DSE: variants seen among roughly 807,000 people sequenced by gnomAD.
DSE encodes dermatan sulfate epimerase, also known as dermatan-sulfate epimerase.
A neutral mutation model predicts 84.4 loss-of-function variants in DSE; 36 were observed. The observed-to-expected ratio is 0.43, with a 90% CI of 0.33 to 0.56. The LOEUF is 0.56. DSE is among the 20% of genes least tolerant of loss of function. DSE has a pLI of 0.06. For missense variants in DSE, 862 were observed against 1,169.6 expected, an observed-to-expected ratio of 0.74 and a Z score of 3.84; for synonymous variants, 410 against 430.1, an observed-to-expected ratio of 0.95 and a Z score of 0.58.
At chr6:116,428,711 A>T (rs1202396368) in intron 3 of DSE, among the ~76,000 whole-genome samples, 2 of 152,244 alleles carry the variant, frequency 1.3e-5, no homozygotes, top group African/African-American at 4.8e-5. Flanking sequence ...AACCCCAGAG[A>T]GTGAAATAAA....
intron 2 of DSE, among the ~76,000 whole-genome samples, chr6:116,292,637 G>C (rs1314295031): frequency 3.3e-5 from 5 of 151,972 alleles, no homozygotes; most frequent in Non-Finnish European, 7.4e-5. Context: ...GTAAGGATCT[G>C]ATTATTACAC....
intron 2 of DSE, among the ~76,000 whole-genome samples, chr6:116,330,459 T>C (rs1370738493): frequency 6.6e-6 from 1 of 152,198 alleles, no homozygotes; most frequent in East Asian, 1.9e-4. Context: ...TTGACAATTA[T>C]GCCAAAAAGC....
At chr6:116,328,592 T>TGCCA (rs1282800112) in intron 2 of DSE, among the ~76,000 whole-genome samples, 1 of 152,196 alleles carries the variant, frequency 6.6e-6, no homozygotes, top group Non-Finnish European at 1.5e-5. Flanking sequence ...AGTACTCCAC[T>TGCCA]GCCAGTATCA....
chr6:116,297,087 A>G (rs569700898), intron 2 of DSE, among the ~76,000 whole-genome samples: 12 of 152,258 alleles, frequency 7.9e-5, no homozygotes, highest in African/African-American at 2.9e-4. Flanking sequence ...TAGGCAAAGT[A>G]TAGTGGAGAT....
intron 2 of DSE, among the ~76,000 whole-genome samples, chr6:116,340,425 T>C (rs902361606): frequency 6.6e-6 from 1 of 152,160 alleles, no homozygotes; most frequent in Non-Finnish European, 1.5e-5. Flanking sequence ...GAATATGCAT[T>C]TGGTTCCTTT....
upstream of DSE, among the ~76,000 whole-genome samples, chr6:116,369,481 T>A (rs531252799): frequency 1.1e-4 from 16 of 152,346 alleles, no homozygotes; most frequent in African/African-American, 3.8e-4. Context: ...TTTTATTATA[T>A]CCTCTCCATA....
intron 1 of DSE, among the ~76,000 whole-genome samples, chr6:116,391,765 A>T (rs1477853287): frequency 4.3e-5 from 5 of 116,158 alleles, no homozygotes; most frequent in Admixed American, 2.5e-4. Flanking sequence ...ACTCCGTCTT[A>T]AAAAAAAAAA....
chr6:116,374,770 A>C (rs987378550), intron 1 of DSE, among the ~76,000 whole-genome samples: 1 of 152,092 alleles, frequency 6.6e-6, no homozygotes, highest in African/African-American at 2.4e-5. Context: ...TATCAGTCTC[A>C]TTCCCGTGAT....
At chr6:116,318,127 A>G (rs1260554728) in intron 2 of DSE, among the ~76,000 whole-genome samples, 1 of 152,242 alleles carries the variant, frequency 6.6e-6, no homozygotes, top group Non-Finnish European at 1.5e-5. Flanking sequence ...ATGCTGAGGC[A>G]TTCGACATTC....
chr6:116,421,463 A>ATATTTT (rs1357496121), intron 2 of DSE, among the ~76,000 whole-genome samples: 1 of 61,344 alleles, frequency 1.6e-5, no homozygotes, highest in Non-Finnish European at 2.7e-5. Flanking sequence ...ATATATATAT[A>ATATTTT]TTTTTTTTTT....
intron 2 of DSE, among the ~76,000 whole-genome samples, chr6:116,282,391 G>C (rs778325232): frequency 2.6e-5 from 4 of 151,930 alleles, no homozygotes; most frequent in African/African-American, 4.8e-5. Context: ...TGTCAGGCTT[G>C]GACCAATCTT....
chr6:116,410,623 A>G (rs868200983), intron 2 of DSE, among the ~76,000 whole-genome samples: 1 of 151,158 alleles, frequency 6.6e-6, no homozygotes, highest in South Asian at 2.1e-4. Context: ...AGTCCCAGCT[A>G]CTGGGGAGGC....
At chr6:116,422,937 G>C (rs2115054869) in intron 2 of DSE, among the ~76,000 whole-genome samples, 1 of 152,292 alleles carries the variant, frequency 6.6e-6, no homozygotes, top group East Asian at 1.9e-4. Context: ...GCTGCTCTAA[G>C]GGGTGAAACT....
intron 2 of DSE, among the ~76,000 whole-genome samples, chr6:116,415,632 A>T (rs1487473504): frequency 1.0e-4 from 4 of 38,758 alleles, no homozygotes; most frequent in Admixed American, 2.8e-4. Flanking sequence ...TTTCTATTTT[A>T]TTTTCTTACT....
intron 2 of DSE, among the ~76,000 whole-genome samples, chr6:116,414,463 AG>A (rs1250356618): frequency 5.3e-5 from 8 of 151,782 alleles, no homozygotes; most frequent in Admixed American, 4.6e-4. Flanking sequence ...CCCAGGATGG[AG>A]TGCAATGGCC....
intron 1 of DSE, among the ~76,000 whole-genome samples, chr6:116,391,828 G>A (rs913547649): frequency 2.6e-5 from 4 of 151,570 alleles, no homozygotes; most frequent in African/African-American, 9.7e-5. Flanking sequence ...TGAGTCCACG[G>A]GCTTTACACA....
intron 2 of DSE, among the ~76,000 whole-genome samples, chr6:116,281,856 C>T (rs938192380): frequency 1.2e-4 from 18 of 152,364 alleles, no homozygotes; most frequent in African/African-American, 4.3e-4. Context: ...TCCTATCTGC[C>T]ACTGGCAAAC....
intron 2 of DSE, among the ~76,000 whole-genome samples, chr6:116,409,996 G>A (rs1368186288): frequency 6.6e-6 from 1 of 152,040 alleles, no homozygotes; most frequent in East Asian, 1.9e-4. Context: ...CAAGTGTTGA[G>A]GCTTTGGGTA....
intron 2 of DSE, among the ~76,000 whole-genome samples, chr6:116,262,063 T>C (rs1007113818): frequency 2.0e-5 from 3 of 152,196 alleles, no homozygotes; most frequent in African/African-American, 7.2e-5. Flanking sequence ...TTTCTCTTTC[T>C]GTTGTATCTC....
Sources: gnomAD v4.1 joint callset for allele counts (sites outside exome capture counted in the v4.1 genomes callset) on GRCh38, gnomAD v4.1.1 for gene constraint, MANE v1.5 for transcripts, NCBI Gene and HGNC (gene_info 2026-07-23, HGNC 2026-07-21) for gene names.